The following CNTN4 variants were observed in gnomAD, a reference collection of about 807,000 sequenced individuals.
CNTN4 encodes contactin-4.
Under a neutral mutation model 122.5 loss-of-function variants are expected in CNTN4, and 77 were observed. That is an observed-to-expected ratio of 0.63 (90% CI 0.52 to 0.76). The LOEUF is 0.76. Ranked by LOEUF, CNTN4 falls within the 30% of genes least tolerant of loss-of-function variation. The pLI is 0.00. For missense variants in CNTN4, 1,256 were observed against 1,259.1 expected (o/e 1.00, Z 0.04); for synonymous variants, 512 against 447.0 (o/e 1.15, Z -1.83).
chr3:2,716,154 A>G (rs2149366336), intron 4 of CNTN4, among the ~76,000 whole-genome samples: 1 of 152,184 alleles, frequency 6.6e-6, no homozygotes, highest in South Asian at 2.1e-4. Context: ...TTATAGAGAT[A>G]GGGTCTCACC....
intron 3 of CNTN4, among the ~76,000 whole-genome samples, chr3:2,448,540 C>T (rs1266444548): frequency 6.6e-6 from 1 of 152,106 alleles, no homozygotes; most frequent in Non-Finnish European, 1.5e-5. Flanking sequence ...CACTCGAAAG[C>T]TATCGGAAGG....
chr3:2,104,544 C>G (rs970920989), intron 2 of CNTN4, among the ~76,000 whole-genome samples: 1 of 152,064 alleles, frequency 6.6e-6, no homozygotes, highest in African/African-American at 2.4e-5. Flanking sequence ...ACCTAGAGTC[C>G]TCATCATTCA....
At chr3:2,900,868 T>A in intron 11 of CNTN4, 47 bp downstream of exon 11, 5 of 1,605,600 alleles carry the variant, frequency 3.1e-6, no homozygotes, top group Non-Finnish European at 4.3e-6. Context: ...CTATAACGTT[T>A]AATATAGCCT....
At chr3:2,399,470 G>A (rs1043612359) in intron 3 of CNTN4, among the ~76,000 whole-genome samples, 3 of 152,110 alleles carry the variant, frequency 2.0e-5, no homozygotes, top group Non-Finnish European at 4.4e-5. Flanking sequence ...TCAGAATGGA[G>A]TGAGAGAGAG....
chr3:2,108,183 T>TTTC (rs760932599), intron 2 of CNTN4, among the ~76,000 whole-genome samples: 5 of 137,798 alleles, frequency 3.6e-5, no homozygotes, highest in East Asian at 2.1e-4. Flanking sequence ...TTTTTTTTTT[T>TTTC]CATGACTGTT....
At chr3:3,012,907 G>C (rs1479733731) in intron 14 of CNTN4, among the ~76,000 whole-genome samples, 2 of 152,036 alleles carry the variant, frequency 1.3e-5, no homozygotes, top group African/African-American at 4.8e-5. Context: ...GGCAGAAGTT[G>C]CTGTGAGCCG....
intron 4 of CNTN4, among the ~76,000 whole-genome samples, chr3:2,583,588 TG>T (rs2080045302): frequency 6.6e-6 from 1 of 152,232 alleles, no homozygotes; most frequent in African/African-American, 2.4e-5. Flanking sequence ...TTGGGGAACT[TG>T]GTGAATGCCC....
intron 3 of CNTN4, among the ~76,000 whole-genome samples, chr3:2,356,744 A>T (rs2044890565): frequency 6.6e-6 from 1 of 152,144 alleles, no homozygotes; most frequent in African/African-American, 2.4e-5. Flanking sequence ...CTCTTGTTCA[A>T]ACACCTCTGA....
At chr3:2,678,463 C>G (rs145871694) in intron 4 of CNTN4, among the ~76,000 whole-genome samples, 96 of 152,210 alleles carry the variant, frequency 6.3e-4, no homozygotes, top group African/African-American at 2.1e-3. Flanking sequence ...TGTCACTTAT[C>G]TTCCCCTTTT....
intron 10 of CNTN4, among the ~76,000 whole-genome samples, chr3:2,894,738 CTG>C (rs922668402): frequency 3.5e-4 from 53 of 152,250 alleles, no homozygotes; most frequent in African/African-American, 1.3e-3. Context: ...AGAAATGAAT[CTG>C]TGTAAGGTTA....
intron 3 of CNTN4, among the ~76,000 whole-genome samples, chr3:2,381,154 C>T (rs1461866622): frequency 1.3e-5 from 2 of 151,956 alleles, no homozygotes; most frequent in Non-Finnish European, 2.9e-5. Flanking sequence ...TACAGGCGCC[C>T]GCCACCACAC....
At chr3:3,015,548 C>G (rs574929309) in intron 14 of CNTN4, among the ~76,000 whole-genome samples, 1 of 152,138 alleles carries the variant, frequency 6.6e-6, no homozygotes, top group African/African-American at 2.4e-5. Context: ...TTAGAATATG[C>G]GAATTATTGC....
chr3:2,293,054 A>T (rs1378870279), intron 2 of CNTN4, among the ~76,000 whole-genome samples: 5 of 152,206 alleles, frequency 3.3e-5, no homozygotes, highest in Admixed American at 3.3e-4. Context: ...TCCCACTAAC[A>T]TGCGTATTGT....
chr3:2,652,186 CA>C (rs2150204515), intron 4 of CNTN4, among the ~76,000 whole-genome samples: 1 of 152,176 alleles, frequency 6.6e-6, no homozygotes, highest in South Asian at 2.1e-4. Context: ...TACACCACTG[CA>C]CTGCAGCCTG....
chr3:2,908,866 T>C (rs1380054530), intron 12 of CNTN4, among the ~76,000 whole-genome samples: 1 of 152,154 alleles, frequency 6.6e-6, no homozygotes, highest in Non-Finnish European at 1.5e-5. Context: ...GAGGAAATTA[T>C]GTCTAATGGT....
At chr3:2,678,986 T>C (rs6768265) in intron 4 of CNTN4, among the ~76,000 whole-genome samples, 31,774 of 152,094 alleles carry the variant, frequency 0.21, 3,534 homozygotes, top group South Asian at 0.42. Context: ...AGTGCACATG[T>C]GTTCTGTTGA....
chr3:2,670,689 C>T (rs375540576), intron 4 of CNTN4, among the ~76,000 whole-genome samples: 2 of 152,222 alleles, frequency 1.3e-5, no homozygotes, highest in Admixed American at 6.5e-5. Flanking sequence ...TTCCTAGCCT[C>T]GATGGTCTTT....
intron 3 of CNTN4, among the ~76,000 whole-genome samples, chr3:2,532,554 G>A (rs984388131): frequency 2.6e-5 from 4 of 152,116 alleles, no homozygotes; most frequent in African/African-American, 4.8e-5. Context: ...GTTGACTAAC[G>A]AAGGAAATAT....
chr3:2,149,967 C>T (rs77082979), intron 2 of CNTN4, among the ~76,000 whole-genome samples: 13 of 143,116 alleles, frequency 9.1e-5, no homozygotes, highest in African/African-American at 3.1e-4. Context: ...GTGGGCATAG[C>T]TTTTTTTTTT....
Sources: gnomAD v4.1 joint callset for allele counts (sites outside exome capture counted in the v4.1 genomes callset) on GRCh38, gnomAD v4.1.1 for gene constraint, MANE v1.5 for transcripts, NCBI Gene and HGNC (gene_info 2026-07-23, HGNC 2026-07-21) for gene names.